The following MCOLN2 variants were observed in gnomAD, a reference collection of about 807,000 sequenced individuals.
MCOLN2 encodes the protein mucolipin-2.
Under a neutral mutation model 67.5 loss-of-function variants are expected in MCOLN2, and 57 were observed. The observed-to-expected ratio is 0.84, with a 90% CI of 0.68 to 1.05. The LOEUF is 1.05. Among genes scored for constraint, MCOLN2 ranks in the 50% least tolerant of loss-of-function variants. The pLI, the probability that MCOLN2 is intolerant of heterozygous loss-of-function variation, is 0.00. For synonymous variants in MCOLN2, 246 were observed against 233.3 expected, an observed-to-expected ratio of 1.05 and a Z score of -0.50; for missense variants, 620 against 678.8, an observed-to-expected ratio of 0.91 and a Z score of 0.96.
At chr1:84,983,508 A>C (rs963682269) in intron 1 of MCOLN2, among the ~76,000 whole-genome samples, 1 of 151,286 alleles carries the variant, frequency 6.6e-6, no homozygotes, top group African/African-American at 2.4e-5. Flanking sequence ...GATGCAGATG[A>C]TCCTTCCCCC....
intron 9 of MCOLN2, 109 bp from the exon 10 acceptor site, chr1:84,938,191 T>C: frequency 1.7e-6 from 1 of 576,986 alleles, no homozygotes; most frequent in Non-Finnish European, 2.9e-6. Flanking sequence ...TCTGCCTCCC[T>C]ATAGGTGATA....
At chr1:84,969,928 C>T (rs1649582182) in intron 1 of MCOLN2, among the ~76,000 whole-genome samples, 1 of 152,084 alleles carries the variant, frequency 6.6e-6, no homozygotes, top group South Asian at 2.1e-4. Flanking sequence ...TCATAATAGA[C>T]GATGTGGTAA....
At chr1:84,949,072 C>G (rs1252094345) in intron 6 of MCOLN2, among the ~76,000 whole-genome samples, 1 of 152,006 alleles carries the variant, frequency 6.6e-6, no homozygotes, top group Non-Finnish European at 1.5e-5. Flanking sequence ...GGAGGCTGCA[C>G]TGAGCTGAGA....
At chr1:84,987,301 T>C (rs1469894234) in intron 1 of MCOLN2, among the ~76,000 whole-genome samples, 2 of 145,558 alleles carry the variant, frequency 1.4e-5, no homozygotes, top group African/African-American at 5.0e-5. Context: ...GCCATGTAGA[T>C]ACATATACAT....
chr1:84,987,440 A>ATG, intron 1 of MCOLN2, among the ~76,000 whole-genome samples: 1 of 114,252 alleles, frequency 8.8e-6, no homozygotes, highest in South Asian at 2.6e-4. Flanking sequence ...ACGTATATAG[A>ATG]TATATACATA....
Position 84,926,716 on chromosome 1 carries a change from C to A in MCOLN2, c.1670G>T (p.Arg557Ile). 2 of 1,594,606 alleles carry A rather than the reference C, an allele frequency of 1.3e-6. No homozygotes were observed. The highest frequency in any genetic ancestry group is 4.5e-5 in the East Asian group (2 of 44,336). ...LSCICCRRRK[R>I]SDDHLIPIS ...AATAGGTATCAAGTGATCATCACTT[C>A]TTTTCCTGTAACAGAAAGGGAAAGA... Residue 557 changes from arginine to isoleucine, a missense_variant, in exon 14 of 14, where the codon AGA (arginine) becomes ATA (isoleucine). Physicochemically the swap from Arg to Ile is moderately conservative, Grantham distance 97. Coordinates refer to ENST00000370608, the MANE Select transcript of MCOLN2 (RefSeq NM_153259.4).
chr1:84,938,500 T>A (rs569552998), intron 9 of MCOLN2, among the ~76,000 whole-genome samples: 2 of 152,312 alleles, frequency 1.3e-5, no homozygotes, highest in East Asian at 3.9e-4. Flanking sequence ...CTAACACAGC[T>A]GCAGCTCTGA....
intron 11 of MCOLN2, among the ~76,000 whole-genome samples, chr1:84,933,606 T>C (rs927291261): frequency 1.3e-5 from 2 of 152,252 alleles, no homozygotes; most frequent in Admixed American, 1.3e-4. Context: ...AGTTGGTTTC[T>C]ATGGATGTCA....
intron 7 of MCOLN2, among the ~76,000 whole-genome samples, chr1:84,943,880 A>G (rs1365046755): frequency 1.3e-5 from 2 of 152,212 alleles, no homozygotes; most frequent in East Asian, 1.9e-4. Context: ...TTTACACTCA[A>G]GAAAGTTATC....
At chr1:84,990,887 A>G (rs1650857851) in intron 1 of MCOLN2, among the ~76,000 whole-genome samples, 4 of 151,940 alleles carry the variant, frequency 2.6e-5, no homozygotes, top group African/African-American at 9.7e-5. Context: ...GTAAGCTGTC[A>G]TTGTGCCACT....
chr1:84,964,990 TCCCCAATACTGGTTCAGCAATACAGG>T (rs1458794171), intron 2 of MCOLN2, among the ~76,000 whole-genome samples: 1 of 152,122 alleles, frequency 6.6e-6, no homozygotes, highest in African/African-American at 2.4e-5. Flanking sequence ...CAGAGAAGCC[TCCCCAATACTGGTTCAGCAATACAGG>T]CCCCAAAACT....
At position 84,987,534 on chromosome 1, in the gene MCOLN2, ATG is replaced by A. The variant is rs1346097083; in HGVS notation, c.77+9260_77+9261del. 4.5e-4 allele frequency among the ~76,000 whole-genome samples: 50 copies of A among 111,692 alleles called. 2 individuals are homozygous for A. The highest frequency in any genetic ancestry group is 1.5e-3 in the African/African-American group (46 of 29,854). The allele number at this position is 111,692 out of a possible 152,430, so 73.3% of individuals were successfully genotyped here. A position where few individuals can be genotyped will look rare whatever the true frequency, so the allele number is the denominator to read the frequency against. ...TACATATGTATATATGTATACATCT[ATG>A]TATACATAGATGTATACATCTATGT... On this transcript the variant is annotated intron_variant, in intron 1 of 13. Coordinates refer to ENST00000370608, the MANE Select transcript of MCOLN2 (RefSeq NM_153259.4).
Position 84,931,437 on chromosome 1 carries a change from G to A in MCOLN2, c.1467C>T (p.Ser489=), listed in dbSNP as rs1360123889. The A allele has an allele frequency of 6.2e-7, 1 of 1,608,286 alleles. No homozygotes were observed. Among genetic ancestry groups the A allele is most frequent in the Non-Finnish European group, 8.5e-7 (1 of 1,174,796 alleles). The change falls in exon 12 of 14, where the codon TCC becomes TCT. Residue 489 remains serine, a synonymous_variant. Transcript: ENST00000370608. ...TCATATATATAAAAAGGCTGATGAA[G>A]GAATATAAATACAGACGACTGAACA... is the stretch of plus-strand genomic sequence containing the variant. ...VWLFSRLYLY[S]FISLFIYMIL...
Position 84,996,819 on chromosome 1 carries a change from T to C in MCOLN2, c.54A>G (p.Ser18=). ...FPQARIPERG[S]GVFRLTVRNA... Reference sequence around the variant, plus strand: ...ACCTGACGGTTAACCTGAAAACACCTGATCCTCTCTCCGGAATCCTTGCCT... The same window carrying C: ...ACCTGACGGTTAACCTGAAAACACCCGATCCTCTCTCCGGAATCCTTGCCT... Residue 18 remains serine, a synonymous_variant, in exon 1 of 14, where the codon TCA becomes TCG. Transcript: ENST00000370608. The C allele has an allele frequency of 6.2e-7, 1 of 1,614,082 alleles. No homozygotes were observed. Among genetic ancestry groups the C allele is most frequent in the Non-Finnish European group, 8.5e-7 (1 of 1,179,952 alleles).
chr1:84,987,973 T>C (rs1650703357), intron 1 of MCOLN2, among the ~76,000 whole-genome samples: 2 of 152,096 alleles, frequency 1.3e-5, no homozygotes, highest in African/African-American at 4.8e-5. Context: ...TGTACACTGC[T>C]TGGGTGATGG....
At chr1:84,940,367 C>T (rs1396902372) in intron 8 of MCOLN2, among the ~76,000 whole-genome samples, 5 of 151,910 alleles carry the variant, frequency 3.3e-5, no homozygotes, top group Admixed American at 1.3e-4. Flanking sequence ...ATGTGGGGAG[C>T]GGAAGTATAT....
intron 11 of MCOLN2, among the ~76,000 whole-genome samples, chr1:84,933,811 G>C (rs190770996): frequency 4.1e-4 from 63 of 152,252 alleles, no homozygotes; most frequent in African/African-American, 1.4e-3. Context: ...TACTTACCAG[G>C]CTACACACAA....
intron 1 of MCOLN2, among the ~76,000 whole-genome samples, chr1:84,983,133 G>GT (rs746381268): frequency 6.6e-6 from 1 of 152,094 alleles, no homozygotes; most frequent in Non-Finnish European, 1.5e-5. Context: ...ATCACAGTGA[G>GT]TGGTAAGCCA....
At chr1:84,991,422 A>G (rs1043488884) in intron 1 of MCOLN2, among the ~76,000 whole-genome samples, 3 of 152,194 alleles carry the variant, frequency 2.0e-5, no homozygotes, top group Non-Finnish European at 4.4e-5. Flanking sequence ...GTCTCACAAG[A>G]GAGGAAGAAA....
Sources: gnomAD v4.1 joint callset for allele counts (sites outside exome capture counted in the v4.1 genomes callset) on GRCh38, gnomAD v4.1.1 for gene constraint, MANE v1.5 for transcripts, NCBI Gene and HGNC (gene_info 2026-07-23, HGNC 2026-07-21) for gene names.